The following CFAP95 variants were observed in gnomAD, a reference collection of about 807,000 sequenced individuals.
The protein encoded by CFAP95 is cilia- and flagella-associated protein 95.
the CFAP95 span, among the ~76,000 whole-genome samples, chr9:69,862,349 T>G: frequency 6.6e-6 from 1 of 152,206 alleles, no homozygotes; most frequent in Non-Finnish European, 1.5e-5. Context: ...TTTGTTTTAT[T>G]TGATTCATGA....
chr9:69,840,990 G>T, the CFAP95 span, among the ~76,000 whole-genome samples: 1 of 151,498 alleles, frequency 6.6e-6, no homozygotes, highest in Non-Finnish European at 1.5e-5. Context: ...TGCATCTTTT[G>T]TAAGAATCTA....
chr9:69,851,493 G>A, the CFAP95 span, among the ~76,000 whole-genome samples: 1 of 152,172 alleles, frequency 6.6e-6, no homozygotes. Flanking sequence ...AGGGAAGTGA[G>A]TGTGAAGGGT....
chr9:69,852,679 C>T, the CFAP95 span, among the ~76,000 whole-genome samples: 5 of 152,268 alleles, frequency 3.3e-5, no homozygotes, highest in East Asian at 7.7e-4. Context: ...AAAAGCTTGA[C>T]GTGAGAAGTA....
the CFAP95 span, among the ~76,000 whole-genome samples, chr9:69,893,549 A>C: frequency 6.6e-6 from 1 of 152,002 alleles, no homozygotes; most frequent in Non-Finnish European, 1.5e-5. Context: ...CCCCATTTTC[A>C]TTTCAGCATA....
the CFAP95 span, among the ~76,000 whole-genome samples, chr9:69,829,805 C>T: frequency 3.3e-5 from 5 of 152,206 alleles, no homozygotes; most frequent in Admixed American, 3.3e-4. Context: ...ACTTGGGGCT[C>T]AGGGTGTTTT....
chr9:69,822,435 G>A, the CFAP95 span, among the ~76,000 whole-genome samples: 1 of 152,148 alleles, frequency 6.6e-6, no homozygotes, highest in Admixed American at 6.5e-5. Context: ...TTTGAACTCA[G>A]TATGAGAAGT....
chr9:69,853,418 A>G, the CFAP95 span, among the ~76,000 whole-genome samples: 1 of 152,200 alleles, frequency 6.6e-6, no homozygotes, highest in Admixed American at 6.5e-5. Flanking sequence ...TCCTCTATCC[A>G]TTAGATATTT....
At chr9:69,865,255 C>A in the CFAP95 span, among the ~76,000 whole-genome samples, 2 of 152,168 alleles carry the variant, frequency 1.3e-5, no homozygotes, top group Non-Finnish European at 2.9e-5. Context: ...GTCAATTAAA[C>A]CTCTTTTCTT....
chr9:69,821,087 A>T, the CFAP95 span: 1 of 1,589,834 alleles, frequency 6.3e-7, no homozygotes, highest in South Asian at 1.1e-5. Context: ...AGAGAGGGGA[A>T]AGGATGGAAC....
the CFAP95 span, among the ~76,000 whole-genome samples, chr9:69,846,288 T>C: frequency 6.6e-6 from 1 of 152,080 alleles, no homozygotes; most frequent in Non-Finnish European, 1.5e-5. Context: ...TCCCCAATAT[T>C]ATATGCGTTA....
At chr9:69,837,585 T>C in the CFAP95 span, among the ~76,000 whole-genome samples, 1 of 152,184 alleles carries the variant, frequency 6.6e-6, no homozygotes, top group Non-Finnish European at 1.5e-5. Context: ...GTTGTTTGTT[T>C]TTTTCTTGTA....
the CFAP95 span, among the ~76,000 whole-genome samples, chr9:69,894,255 C>T: frequency 1.1e-4 from 16 of 152,316 alleles, no homozygotes; most frequent in South Asian, 8.3e-4. Flanking sequence ...GCTCTAAGAA[C>T]CACATTTCCT....
chr9:69,894,799 C>T, the CFAP95 span, among the ~76,000 whole-genome samples: 1 of 152,152 alleles, frequency 6.6e-6, no homozygotes, highest in South Asian at 2.1e-4. Context: ...CAGTGGATCA[C>T]ACCTGTATTC....
the CFAP95 span, chr9:69,857,908 G>A: frequency 2.9e-4 from 468 of 1,613,440 alleles, 5 homozygotes; most frequent in South Asian, 4.3e-3. Context: ...TCTTGTTTTA[G>A]GGTCACCGGA....
the CFAP95 span, among the ~76,000 whole-genome samples, chr9:69,893,278 C>T: frequency 6.6e-6 from 1 of 152,180 alleles, no homozygotes; most frequent in African/African-American, 2.4e-5. Flanking sequence ...AAGCAAGCCA[C>T]CCCTTCATGA....
the CFAP95 span, among the ~76,000 whole-genome samples, chr9:69,861,730 C>CAAA: frequency 9.8e-3 from 848 of 86,630 alleles, 14 homozygotes; most frequent in African/African-American, 0.022. Context: ...TCTTATGAGT[C>CAAA]AAAAAAAAAA....
At chr9:69,890,762 A>T in the CFAP95 span, among the ~76,000 whole-genome samples, 1 of 152,218 alleles carries the variant, frequency 6.6e-6, no homozygotes, top group South Asian at 2.1e-4. Flanking sequence ...TTGAGACTTG[A>T]TTAATTTTTA....
the CFAP95 span, among the ~76,000 whole-genome samples, chr9:69,881,736 T>A: frequency 5.3e-5 from 8 of 152,308 alleles, no homozygotes; most frequent in Non-Finnish European, 1.2e-4. Context: ...TTGCATTGAA[T>A]CTGTAGATTG....
At chr9:69,902,555 G>A in the CFAP95 span, among the ~76,000 whole-genome samples, 3 of 152,106 alleles carry the variant, frequency 2.0e-5, no homozygotes, top group Non-Finnish European at 2.9e-5. Flanking sequence ...GTTATTACCC[G>A]CTTTATTGAC....
Sources: allele counts gnomAD v4.1 joint callset (sites outside exome capture counted in the v4.1 genomes callset), GRCh38; gene constraint gnomAD v4.1.1; transcripts MANE v1.5; gene names NCBI Gene and HGNC (gene_info 2026-07-23, HGNC 2026-07-21).